The following PIEZO2 variants were observed in gnomAD, a reference collection of about 807,000 sequenced individuals.
The protein encoded by PIEZO2 is piezo-type mechanosensitive ion channel component 2.
PIEZO2 carries 172 observed loss-of-function variants against 337.3 expected under a neutral mutation model. The observed-to-expected ratio is 0.51, with a 90% CI of 0.45 to 0.58. The LOEUF (loss-of-function observed/expected upper bound fraction) is 0.58, where lower values mean the gene tolerates loss of function less well. PIEZO2 is among the 20% of genes least tolerant of loss of function. The probability of loss-of-function intolerance (pLI) is 0.00; values close to 1 mark genes in which losing one functional copy is unlikely to be tolerated. For synonymous variants in PIEZO2, 1,251 were observed against 1,228.5 expected (o/e 1.02, Z -0.38); for missense variants, 3,028 against 3,391.3 (o/e 0.89, Z 2.66).
At position 11,016,611 on chromosome 18, in the gene PIEZO2, C is replaced by T. The variant is rs572626785; in HGVS notation, c.161-36951G>A. 1.3e-5 allele frequency among the ~76,000 whole-genome samples: 2 copies of T among 152,086 alleles called. No homozygotes were observed. Among genetic ancestry groups the T allele is most frequent in the African/African-American group, 4.8e-5 (2 of 41,402 alleles). On this transcript the variant is annotated intron_variant, in intron 2 of 55. Transcript: ENST00000674853. The surrounding 1 kb of genome is among the most constrained non-coding windows in gnomAD (Gnocchi z 5.6). The stretch of plus-strand genomic sequence containing the variant: ...GTGATAACTCAAGGTAAAAAGAAAA[C>T]AAATGCTGGGATTCTGAATACAATC...
At chr18:10,720,221 T>G (rs2036201346) in intron 36 of PIEZO2, among the ~76,000 whole-genome samples, 1 of 143,830 alleles carries the variant, frequency 7.0e-6, no homozygotes. Context: ...TATATGAATA[T>G]ATGTGTGTGT....
At chr18:11,073,210 G>A (rs11080483) in intron 1 of PIEZO2, among the ~76,000 whole-genome samples, 3 of 151,908 alleles carry the variant, frequency 2.0e-5, no homozygotes, top group African/African-American at 7.3e-5. Context: ...TGGTGGGCAG[G>A]CTCTAAAACC....
chr18:10,831,530 G>GACC (rs1568109375), intron 7 of PIEZO2, among the ~76,000 whole-genome samples: 2 of 152,270 alleles, frequency 1.3e-5, no homozygotes, highest in Non-Finnish European at 2.9e-5. Flanking sequence ...GGCTAGGATG[G>GACC]GTAGTGGGGT....
Position 11,035,261 on chromosome 18 carries a change from T to A in PIEZO2, c.160+30866A>T, listed in dbSNP as rs1486135853. Reference sequence around the variant, plus strand: ...CAGTAATGAGAGAGTTCTTGCTCTGTTAGTTCACGGAGAGCTGGTTGTTTA... The same window carrying A: ...CAGTAATGAGAGAGTTCTTGCTCTGATAGTTCACGGAGAGCTGGTTGTTTA... On this transcript the variant is annotated intron_variant, in intron 2 of 55. Transcript: ENST00000674853. The surrounding 1 kb of genome is among the most constrained non-coding windows in gnomAD (Gnocchi z 4.3). 2.6e-5 allele frequency among the ~76,000 whole-genome samples: 4 copies of A among 152,166 alleles called. No individual in the cohort carries two copies. The highest frequency in any genetic ancestry group is 4.4e-5 in the Non-Finnish European group (3 of 68,022).
In PIEZO2 at chr18:11,105,667, T is replaced by A. The variant is rs1016121608; in HGVS notation, c.65-39445A>T. On this transcript the variant is annotated intron_variant, in intron 1 of 55. Coordinates refer to ENST00000674853, the MANE Select transcript of PIEZO2 (RefSeq NM_001378183.1). The surrounding 1 kb of genome is among the most constrained non-coding windows in gnomAD (Gnocchi z 4.3). Reference sequence around the variant, plus strand: ...GCCTGGAAGCCGCTACAAAGCAATATTTCAACATCACGTGTCCTCTGAAAG... The same window carrying A: ...GCCTGGAAGCCGCTACAAAGCAATAATTCAACATCACGTGTCCTCTGAAAG... Among the ~76,000 whole-genome samples, 1 of 152,172 alleles carries A rather than the reference T, an allele frequency of 6.6e-6. No individual in the cohort carries two copies. Among genetic ancestry groups the A allele is most frequent in the African/African-American group, 2.4e-5 (1 of 41,436 alleles).
At chr18:11,012,170 A>G (rs949241885) in intron 2 of PIEZO2, among the ~76,000 whole-genome samples, 2 of 152,200 alleles carry the variant, frequency 1.3e-5, no homozygotes, top group African/African-American at 4.8e-5. Flanking sequence ...AGACTGCATG[A>G]TTGTTACTTA....
chr18:11,097,367 G>A lies in PIEZO2; in HGVS notation c.65-31145C>T, dbSNP rs772512364. 6.6e-6 allele frequency among the ~76,000 whole-genome samples: 1 copy of A among 152,138 alleles called. No homozygotes were observed. The highest frequency in any genetic ancestry group is 1.5e-5 in the Non-Finnish European group (1 of 68,034). On this transcript the variant is annotated intron_variant, in intron 1 of 55. Coordinates refer to ENST00000674853, the MANE Select transcript of PIEZO2 (RefSeq NM_001378183.1). This position sits in a 1 kb window ranked among gnomAD's most constrained non-coding sequence, Gnocchi z 5.0. ...CTGCAGTTCAATGGCAAAGTCTCACGACTGCAACAGAGCCGGCGTGCTGTG... is the reference window on the plus strand; with the variant it reads ...CTGCAGTTCAATGGCAAAGTCTCACAACTGCAACAGAGCCGGCGTGCTGTG...
intron 9 of PIEZO2, among the ~76,000 whole-genome samples, chr18:10,802,085 C>CAAAA (rs58924448): frequency 2.1e-3 from 197 of 95,392 alleles, no homozygotes; most frequent in African/African-American, 2.7e-3. Flanking sequence ...GACTCCGTCT[C>CAAAA]AAAAAAAAAA....
chr18:10,906,008 G>A (rs1380233094), intron 4 of PIEZO2, among the ~76,000 whole-genome samples: 1 of 152,166 alleles, frequency 6.6e-6, no homozygotes, highest in African/African-American at 2.4e-5. Context: ...AAACTTGGGA[G>A]GTGGTTGGAA....
chr18:10,921,669 G>A (rs9953879), intron 3 of PIEZO2, among the ~76,000 whole-genome samples: 26,972 of 152,072 alleles, frequency 0.18, 2,718 homozygotes, highest in African/African-American at 0.28. Context: ...TTCAGGGAAT[G>A]AGAGAGATCA....
chr18:11,118,853 CAGTT>C (rs2039958598), intron 1 of PIEZO2, among the ~76,000 whole-genome samples: 1 of 152,096 alleles, frequency 6.6e-6, no homozygotes, highest in African/African-American at 2.4e-5. Flanking sequence ...GTTGCAGACA[CAGTT>C]AGACCCAAGG....
intron 4 of PIEZO2, among the ~76,000 whole-genome samples, chr18:10,905,824 TA>T (rs2043162265): frequency 6.6e-6 from 1 of 152,158 alleles, no homozygotes; most frequent in Non-Finnish European, 1.5e-5. Flanking sequence ...AAGAAGTCAT[TA>T]ATCTATCCCA....
intron 7 of PIEZO2, 126 bp from the exon 8 acceptor site, chr18:10,807,400 T>C: frequency 1.3e-6 from 1 of 779,206 alleles, no homozygotes; most frequent in Non-Finnish European, 2.0e-6. Flanking sequence ...CTATTGTAGA[T>C]ATTTCAATTA....
intron 2 of PIEZO2, among the ~76,000 whole-genome samples, chr18:11,010,487 A>G (rs2035858797): frequency 6.6e-6 from 1 of 152,206 alleles, no homozygotes; most frequent in Admixed American, 6.5e-5. Context: ...ACGGGTCCAC[A>G]ACACCACTAG....
Position 10,783,775 on chromosome 18 carries a change from T to A in PIEZO2, c.2492+1009A>T, listed in dbSNP as rs1343582153. On this transcript the variant is annotated intron_variant, in intron 17 of 55. Coordinates refer to ENST00000674853, the MANE Select transcript of PIEZO2 (RefSeq NM_001378183.1). This position sits in a 1 kb window ranked among gnomAD's most constrained non-coding sequence, Gnocchi z 4.3. Reference sequence around the variant, plus strand: ...AACACAACACAATAAGAAAAGTGAATCTGCTGGTCATAAACAAGGATTATA... The same window carrying A: ...AACACAACACAATAAGAAAAGTGAAACTGCTGGTCATAAACAAGGATTATA... Among the ~76,000 whole-genome samples, 1 of 152,210 alleles carries A rather than the reference T, an allele frequency of 6.6e-6. No homozygotes were observed. The highest frequency in any genetic ancestry group is 1.5e-5 in the Non-Finnish European group (1 of 68,044).
chr18:10,910,597 A>G (rs1168302607), intron 4 of PIEZO2, among the ~76,000 whole-genome samples: 1 of 152,176 alleles, frequency 6.6e-6, no homozygotes, highest in Admixed American at 6.5e-5. Context: ...AAATTTAAAA[A>G]AAAAGAAAGA....
chr18:11,046,127 C>A (rs1206924970), intron 2 of PIEZO2, among the ~76,000 whole-genome samples: 2 of 152,192 alleles, frequency 1.3e-5, no homozygotes, highest in Non-Finnish European at 2.9e-5. Flanking sequence ...TTTCCAAACA[C>A]AAAGCCCAGC....
At chr18:11,036,964 G>A (rs112276202) in intron 2 of PIEZO2, among the ~76,000 whole-genome samples, 1,656 of 152,094 alleles carry the variant, frequency 0.011, 38 homozygotes, top group African/African-American at 0.038. Context: ...ATTTGTGTGC[G>A]TGTGTTTGCA....
intron 1 of PIEZO2, among the ~76,000 whole-genome samples, chr18:11,130,070 A>T (rs1192721213): frequency 6.6e-6 from 1 of 152,218 alleles, no homozygotes; most frequent in Non-Finnish European, 1.5e-5. Flanking sequence ...ACCTAGAAAA[A>T]TAGTAAGTCA....
Sources: allele counts gnomAD v4.1 joint callset (sites outside exome capture counted in the v4.1 genomes callset), GRCh38; gene constraint gnomAD v4.1.1; non-coding constraint Gnocchi (gnomAD v3.1); transcripts MANE v1.5; gene names NCBI Gene and HGNC (gene_info 2026-07-23, HGNC 2026-07-21).